ABITRAM: variants seen among roughly 807,000 people sequenced by gnomAD.
ABITRAM encodes actin binding transcription modulator.
Under a neutral mutation model 22.9 loss-of-function variants are expected in ABITRAM, and 19 were observed. That is an observed-to-expected ratio of 0.83 (90% CI 0.58 to 1.22). ABITRAM has a LOEUF of 1.22. ABITRAM is among the 50% of genes most tolerant of loss of function. The probability of loss-of-function intolerance (pLI) is 0.00; values close to 1 mark genes in which losing one functional copy is unlikely to be tolerated. For synonymous variants in ABITRAM, 70 were observed against 73.9 expected (o/e 0.95, Z 0.27); for missense variants, 215 against 220.2 (o/e 0.98, Z 0.15).
chr9:108,939,141 C>T (rs1830225719), intron 3 of ABITRAM, 55 bp from the exon 4 acceptor site: 4 of 1,504,182 alleles, frequency 2.7e-6, no homozygotes, highest in Non-Finnish European at 3.7e-6. Flanking sequence ...GGCTACTTCT[C>T]AAAGGAAAGT....
chr9:108,938,677 T>G (rs1830216983), intron 3 of ABITRAM, among the ~76,000 whole-genome samples: 1 of 119,164 alleles, frequency 8.4e-6, no homozygotes, highest in Admixed American at 9.7e-5. Flanking sequence ...ACTAACACAC[T>G]GGGGAATTAC....
In ABITRAM at chr9:108,934,471, G is replaced by A; in HGVS notation, c.-16G>A. On this transcript the variant is annotated 5_prime_UTR_variant, in exon 1 of 6. Coordinates refer to ENST00000322940, the MANE Select transcript of ABITRAM (RefSeq NM_017832.4). ...TGGGGTCCCGGAGGGCGGGGGTGGC[G>A]GCGCCGGAGGTCGCCATGGCTACCG... The A allele has an allele frequency of 6.3e-7, 1 of 1,590,390 alleles. No individual in the cohort carries two copies. Among genetic ancestry groups the A allele is most frequent in the East Asian group, 2.3e-5 (1 of 43,020 alleles).
At position 108,940,150 on chromosome 9, in the gene ABITRAM, T is replaced by TATCA. The variant is rs35501409; in HGVS notation, c.*465_*468dup. ...TTCAACTATAAACGAGTCAAAAATA[T>TATCA]ATCATTAACCAAACACGAAACCCAC... On this transcript the variant is annotated 3_prime_UTR_variant, in exon 6 of 6. Transcript: ENST00000322940. 33,833 of 153,108 alleles carry TATCA rather than the reference T, an allele frequency of 0.22. 4,545 individuals are homozygous for TATCA. Among genetic ancestry groups the TATCA allele is most frequent in the East Asian group, 0.3 (1,559 of 5,168 alleles). 9.5% of individuals were successfully genotyped at this position (153,108 alleles called of 1,614,324 possible).
At chr9:108,941,464 A>G (rs1294954732), downstream of ABITRAM, among the ~76,000 whole-genome samples, 3 of 152,230 alleles carry the variant, frequency 2.0e-5, no homozygotes, top group Non-Finnish European at 4.4e-5. Context: ...TTAAAAGAGT[A>G]CTTTGGTTTC....
At chr9:108,943,151 G>T, downstream of ABITRAM, 1 of 1,043,610 alleles carries the variant, frequency 9.6e-7, no homozygotes, top group South Asian at 1.7e-5. Flanking sequence ...GGAAATCTAA[G>T]GGATCTTGAA....
At chr9:108,944,416 AT>A (rs28361178), downstream of ABITRAM, among the ~76,000 whole-genome samples, 19,083 of 152,276 alleles carry the variant, frequency 0.13, 1,554 homozygotes, top group Middle Eastern at 0.18. Flanking sequence ...GACCTTCCCA[AT>A]TCCATCTAGG....
rs1830189527 is a variant in ABITRAM at position 108,936,548 on chromosome 9, C to A, written c.261+111C>A. On this transcript the variant is annotated intron_variant, in intron 3 of 5. Transcript: ENST00000322940. ...GCATATGCTTAGCATACTTCTCTAG[C>A]AGTTTGAGGTGCTAATTTTAGGTAT... The A allele has an allele frequency of 4.2e-6, 5 of 1,198,486 alleles. No homozygotes were observed. In the East Asian group the frequency reaches 1.2e-4, roughly 29 times the overall value. 74.2% of individuals were successfully genotyped at this position (1,198,486 alleles called of 1,614,324 possible). A position where few individuals can be genotyped will look rare whatever the true frequency, so the allele number is the denominator to read the frequency against.
chr9:108,941,800 A>G (rs1830258459), downstream of ABITRAM, among the ~76,000 whole-genome samples: 1 of 152,220 alleles, frequency 6.6e-6, no homozygotes, highest in Admixed American at 6.5e-5. Flanking sequence ...AGTCTAACAC[A>G]AAGTTGGCCA....
downstream of ABITRAM, chr9:108,942,531 C>G: frequency 1.9e-6 from 1 of 517,510 alleles, no homozygotes; most frequent in Non-Finnish European, 3.4e-6. Flanking sequence ...TTTTAAAGAA[C>G]ATTAGTGCAA....
rs116929532 is a variant in ABITRAM at position 108,949,433 on chromosome 9, C to T, written c.262-1074C>T. On this transcript the variant is annotated intron_variant, in intron 3 of 3. Transcript: ENST00000374624. The stretch of plus-strand genomic sequence containing the variant: ...ATCTTTTTTTAAAAAGTTGGCCAAG[C>T]GCGGTGGCTCATGTCTGTAATCCCA... Among the ~76,000 whole-genome samples the T allele has an allele frequency of 1.7e-3, 262 of 152,230 alleles. 7 individuals carry two copies. In the East Asian group the frequency reaches 0.047, roughly 27 times the overall value.
At chr9:108,945,905 G>A (rs1014089898), downstream of ABITRAM, among the ~76,000 whole-genome samples, 1 of 152,044 alleles carries the variant, frequency 6.6e-6, no homozygotes, top group South Asian at 2.1e-4. Context: ...CAAAATGCTC[G>A]ATTTCCACCC....
At chr9:108,944,538 C>T (rs1830344285), downstream of ABITRAM, among the ~76,000 whole-genome samples, 1 of 152,102 alleles carries the variant, frequency 6.6e-6, no homozygotes, top group Non-Finnish European at 1.5e-5. Flanking sequence ...TCACTATTCA[C>T]CATGTACCAT....
chr9:108,934,515 C>T lies in ABITRAM; in HGVS notation c.29C>T (p.Pro10Leu), dbSNP rs76817627. 0.022 allele frequency: 35,277 copies of T among 1,605,716 alleles called. 462 individuals carry two copies. Among genetic ancestry groups the T allele is most frequent in the Non-Finnish European group, 0.025 (29,698 of 1,177,064 alleles). The change falls in exon 1 of 6, where the codon CCG (proline) becomes CTG (leucine). Residue 10 changes from proline (P) to leucine (L), a missense_variant. Coordinates refer to ENST00000322940, the MANE Select transcript of ABITRAM (RefSeq NM_017832.4). MATEPEAAE[P>L]VVPSLVDRYF... Reference sequence around the variant, plus strand: ...GCTACCGAGCCCGAAGCCGCGGAGCCGGTGGTGCCTTCGCTCGTGGATCGA... The same window carrying T: ...GCTACCGAGCCCGAAGCCGCGGAGCTGGTGGTGCCTTCGCTCGTGGATCGA...
At chr9:108,944,129 T>A, downstream of ABITRAM, 1 of 1,084,234 alleles carries the variant, frequency 9.2e-7, no homozygotes, top group African/African-American at 1.6e-5. Context: ...AGCCTAGATA[T>A]AAAAAGTCTG....
chr9:108,945,646 T>TG (rs1173250862), downstream of ABITRAM, among the ~76,000 whole-genome samples: 403 of 148,760 alleles, frequency 2.7e-3, 1 homozygote, highest in African/African-American at 9.7e-3. Context: ...TTTTTTTGTT[T>TG]TGTTTTTTTG....
chr9:108,939,317 A>G (rs760547165), intron 4 of ABITRAM, 45 bp downstream of exon 4: 8 of 1,591,606 alleles, frequency 5.0e-6, no homozygotes, highest in South Asian at 2.3e-5. Flanking sequence ...AAGGGAGGTA[A>G]TTTTTTTTCT....
At chr9:108,937,053 G>A (rs538239731) in intron 3 of ABITRAM, among the ~76,000 whole-genome samples, 1 of 152,184 alleles carries the variant, frequency 6.6e-6, no homozygotes, top group Non-Finnish European at 1.5e-5. Context: ...CCAGCCACTC[G>A]GGAGGCTGAG....
chr9:108,939,790 C>T lies in ABITRAM; in HGVS notation c.*104C>T. On this transcript the variant is annotated 3_prime_UTR_variant, in exon 6 of 6. Transcript: ENST00000322940. Reference sequence around the variant, plus strand: ...AGTATATGTAAAGCATACCTAACAGCCAGCCATATGCAGGGGAGGCCTAGT... The same window carrying T: ...AGTATATGTAAAGCATACCTAACAGTCAGCCATATGCAGGGGAGGCCTAGT... 1 of 1,346,704 alleles carries T rather than the reference C, an allele frequency of 7.4e-7. No homozygotes were observed. Among genetic ancestry groups the T allele is most frequent in the Non-Finnish European group, 1.0e-6 (1 of 979,836 alleles). The allele number at this position is 1,346,704 out of a possible 1,614,324, so 83.4% of individuals were successfully genotyped here. A position where few individuals can be genotyped will look rare whatever the true frequency, so the allele number is the denominator to read the frequency against.
rs747667175 is a variant in ABITRAM, at chr9:108,934,479, A to C, written c.-8A>C. ...CGGAGGGCGGGGGTGGCGGCGCCGG[A>C]GGTCGCCATGGCTACCGAGCCCGAA... On this transcript the variant is annotated 5_prime_UTR_variant, in exon 1 of 6. Coordinates refer to ENST00000322940, the MANE Select transcript of ABITRAM (RefSeq NM_017832.4). The C allele has an allele frequency of 1.0e-5, 16 of 1,596,768 alleles. No homozygotes were observed. In the East Asian group the frequency reaches 1.8e-4, roughly 18 times the overall value.
Sources: gnomAD v4.1 joint callset for allele counts (sites outside exome capture counted in the v4.1 genomes callset) on GRCh38, gnomAD v4.1.1 for gene constraint, MANE v1.5 for transcripts, NCBI Gene and HGNC (gene_info 2026-07-23, HGNC 2026-07-21) for gene names.